The following RERE variants were observed in gnomAD, a reference collection of about 807,000 sequenced individuals.
RERE encodes the protein arginine-glutamic acid dipeptide repeats, also known as arginine-glutamic acid dipeptide repeats protein.
A neutral mutation model predicts 146.1 loss-of-function variants in RERE; 40 were observed. The ratio of observed to expected loss-of-function variants is 0.27; its 90% CI spans 0.21 to 0.36. The LOEUF (loss-of-function observed/expected upper bound fraction) is 0.36. Among genes scored for constraint, RERE ranks in the 10% least tolerant of loss-of-function variants. The pLI is 1.00. For synonymous variants in RERE, 1,003 were observed against 866.0 expected, an observed-to-expected ratio of 1.16 and a Z score of -2.78; for missense variants, 1,933 against 2,138.7, an observed-to-expected ratio of 0.90 and a Z score of 1.90.
intron 6 of RERE, among the ~76,000 whole-genome samples, chr1:8,551,218 G>A (rs1645931684): frequency 6.6e-6 from 1 of 152,196 alleles, no homozygotes; most frequent in Non-Finnish European, 1.5e-5. Context: ...GATCTCCTGT[G>A]CTGCCCTCCA....
intron 4 of RERE, among the ~76,000 whole-genome samples, chr1:8,559,830 C>T (rs1321141077): frequency 1.3e-5 from 2 of 152,114 alleles, no homozygotes; most frequent in Non-Finnish European, 2.9e-5. Context: ...GCTTACAGGA[C>T]AACTGGAGTT....
At chr1:8,480,496 C>T (rs555465538) in intron 10 of RERE, among the ~76,000 whole-genome samples, 4 of 146,466 alleles carry the variant, frequency 2.7e-5, no homozygotes, top group Non-Finnish European at 4.5e-5. Flanking sequence ...AGTACAGTGG[C>T]ATGATCTCGG....
At chr1:8,672,295 T>C (rs1246445127) in intron 1 of RERE, among the ~76,000 whole-genome samples, 1 of 151,992 alleles carries the variant, frequency 6.6e-6, no homozygotes, top group Non-Finnish European at 1.5e-5. Flanking sequence ...CACCTTTACC[T>C]CCAGAGTAGC....
At chr1:8,367,251 C>A (rs918348571) in intron 12 of RERE, among the ~76,000 whole-genome samples, 1 of 152,154 alleles carries the variant, frequency 6.6e-6, no homozygotes, top group African/African-American at 2.4e-5. Context: ...CAAAACACCC[C>A]CAGAGGAAAT....
rs560129366 is a variant in RERE, at chr1:8,628,989, A to C, written c.326-4609T>G. ...GTTCTGAAAGAACTGCACAAAGCTG[A>C]TGTGATCCACCAAATGCATAATGCA... On this transcript the variant is annotated intron_variant, in intron 2 of 22. Transcript: ENST00000400908. 2.0e-5 allele frequency among the ~76,000 whole-genome samples: 3 copies of C among 152,322 alleles called. No individual in the cohort carries two copies. In the East Asian group the frequency reaches 5.8e-4, roughly 29 times the overall value.
At chr1:8,524,820 C>T (rs529174257) in intron 7 of RERE, among the ~76,000 whole-genome samples, 1 of 152,284 alleles carries the variant, frequency 6.6e-6, no homozygotes, top group East Asian at 1.9e-4. Context: ...ACAACTTCCC[C>T]TGGGTAGAAG....
intron 12 of RERE, among the ~76,000 whole-genome samples, chr1:8,412,294 T>C (rs1016610425): frequency 3.3e-5 from 5 of 152,236 alleles, no homozygotes; most frequent in Admixed American, 1.3e-4. Flanking sequence ...ACACCCTCTG[T>C]GGTGGTTCAC....
chr1:8,469,743 A>G (rs1333491727), intron 10 of RERE, among the ~76,000 whole-genome samples: 1 of 152,246 alleles, frequency 6.6e-6, no homozygotes, highest in East Asian at 1.9e-4. Context: ...GCTCAATCAA[A>G]TATCATTAAT....
chr1:8,725,287 C>T (rs574265518), intron 1 of RERE, among the ~76,000 whole-genome samples: 133 of 152,256 alleles, frequency 8.7e-4, no homozygotes, highest in African/African-American at 3.0e-3. Flanking sequence ...CTATTTTGGC[C>T]GGATGCGGTG....
chr1:8,582,415 CTTT>C (rs752263040), intron 4 of RERE, among the ~76,000 whole-genome samples: 1 of 128,334 alleles, frequency 7.8e-6, no homozygotes, highest in African/African-American at 2.9e-5. Flanking sequence ...AACTTTTTTT[CTTT>C]TTTTTTTTTT....
Position 8,355,274 on chromosome 1 carries a change from T to C in RERE, c.4667+145A>G, listed in dbSNP as rs113782345. 49 of 1,142,398 alleles carry C rather than the reference T, an allele frequency of 4.3e-5. No individual in the cohort carries two copies. In the African/African-American group the frequency reaches 6.4e-4, roughly 15 times the overall value. The allele number at this position is 1,142,398 out of a possible 1,614,324, so 70.8% of individuals were successfully genotyped here. A position where few individuals can be genotyped will look rare whatever the true frequency, so the allele number is the denominator to read the frequency against. ...CCTACCCTCCCAACACCTCCCTTCC[T>C]CTGTTTCTCCCATCACCATGGTTCC... is the stretch of plus-strand genomic sequence containing the variant. On this transcript the variant is annotated intron_variant, in intron 22 of 22. Transcript: ENST00000400908.
At chr1:8,642,316 C>G (rs913177052) in intron 2 of RERE, among the ~76,000 whole-genome samples, 1 of 152,152 alleles carries the variant, frequency 6.6e-6, no homozygotes, top group Non-Finnish European at 1.5e-5. Flanking sequence ...CAGAGGCTGT[C>G]CTCTACTCCA....
At chr1:8,512,028 TTTTTTTTTTTTTTTTTG>T (rs1321378924) in intron 7 of RERE, 1 of 96,582 alleles carries the variant, frequency 1.0e-5, no homozygotes, top group African/African-American at 3.9e-5. Flanking sequence ...TTTTTTTTTT[TTTTTTTTTTTTTTTTTG>T]AGACGGAGTC....
intron 10 of RERE, among the ~76,000 whole-genome samples, chr1:8,486,906 G>A (rs1286316107): frequency 2.0e-5 from 3 of 151,942 alleles, no homozygotes; most frequent in African/African-American, 2.4e-5. Flanking sequence ...AGAACAGGAA[G>A]AACGATTTCC....
At chr1:8,801,771 C>A (rs1032657548) in intron 1 of RERE, among the ~76,000 whole-genome samples, 3 of 152,182 alleles carry the variant, frequency 2.0e-5, no homozygotes, top group African/African-American at 7.2e-5. Context: ...CCCACTGATT[C>A]AGCAACTCTA....
intron 1 of RERE, among the ~76,000 whole-genome samples, chr1:8,778,576 ACTGT>A (rs1393509671): frequency 1.3e-5 from 2 of 152,182 alleles, no homozygotes; most frequent in Non-Finnish European, 2.9e-5. Flanking sequence ...GTGGCTCATA[ACTGT>A]AATTCCAGCT....
At chr1:8,600,913 C>G (rs1048340852) in intron 4 of RERE, among the ~76,000 whole-genome samples, 2 of 151,710 alleles carry the variant, frequency 1.3e-5, no homozygotes, top group African/African-American at 4.8e-5. Flanking sequence ...CGCCACCATG[C>G]CCGGCTAATT....
In RERE at chr1:8,374,224, G is replaced by C. The variant is rs1642151805; in HGVS notation, c.1285-8250C>G. ...CGGTGCCACCTCCAGATCCTCTTCT[G>C]GGGAAAGGCAAAGGGAAAGGAGGGA... On this transcript the variant is annotated intron_variant, in intron 12 of 22. Coordinates refer to ENST00000400908, the MANE Select transcript of RERE (RefSeq NM_001042681.2). 1.3e-5 allele frequency among the ~76,000 whole-genome samples: 2 copies of C among 152,142 alleles called. 1 individual carries two copies. Among genetic ancestry groups the C allele is most frequent in the South Asian group, 4.1e-4 (2 of 4,822 alleles).
chr1:8,793,411 T>C (rs1306102190), intron 1 of RERE, among the ~76,000 whole-genome samples: 2 of 152,174 alleles, frequency 1.3e-5, no homozygotes, highest in Non-Finnish European at 2.9e-5. Flanking sequence ...CCTCAAAAGA[T>C]GTCTTGGATT....
Sources: allele counts gnomAD v4.1 joint callset (sites outside exome capture counted in the v4.1 genomes callset), GRCh38; gene constraint gnomAD v4.1.1; transcripts MANE v1.5; gene names NCBI Gene and HGNC (gene_info 2026-07-23, HGNC 2026-07-21).